The following KIAA1217 variants were observed in gnomAD, a reference collection of about 807,000 sequenced individuals.
The protein encoded by KIAA1217 is KIAA1217.
KIAA1217 carries 88 observed loss-of-function variants against 163.9 expected under a neutral mutation model. The observed-to-expected ratio is 0.54, with a 90% confidence interval of 0.45 to 0.64. KIAA1217 has a LOEUF of 0.64. KIAA1217 is among the 30% of genes least tolerant of loss of function. KIAA1217 has a pLI of 0.00. For synonymous variants in KIAA1217, 903 were observed against 923.1 expected (o/e 0.98, Z 0.39); for missense variants, 2,372 against 2,475.0 (o/e 0.96, Z 0.88).
chr10:23,853,403 G>A (rs1243177116), intron 1 of KIAA1217, among the ~76,000 whole-genome samples: 3 of 152,120 alleles, frequency 2.0e-5, no homozygotes, highest in Non-Finnish European at 4.4e-5. Flanking sequence ...ATGTGCTGCT[G>A]GATTCGGTTT....
At chr10:24,114,490 A>G (rs1313422615) in intron 2 of KIAA1217, among the ~76,000 whole-genome samples, 2 of 152,166 alleles carry the variant, frequency 1.3e-5, no homozygotes, top group Admixed American at 1.3e-4. Context: ...TGCTTTCTAT[A>G]CACAGCACTC....
At chr10:23,961,527 G>A (rs1259602619) in intron 1 of KIAA1217, among the ~76,000 whole-genome samples, 1 of 152,182 alleles carries the variant, frequency 6.6e-6, no homozygotes, top group East Asian at 1.9e-4. Context: ...CTCTGTGTGT[G>A]TGCCATAGGT....
intron 4 of KIAA1217, 56 bp from the exon 5 acceptor site, chr10:24,438,330 A>C: frequency 8.1e-7 from 1 of 1,234,088 alleles, no homozygotes; most frequent in Non-Finnish European, 1.2e-6. Flanking sequence ...GGCTAAGGAA[A>C]TGGCCAAAGT....
chr10:24,494,420 A>G (rs1468196546), intron 6 of KIAA1217, 80 bp from the exon 7 acceptor site: 2 of 1,167,722 alleles, frequency 1.7e-6, no homozygotes, highest in East Asian at 4.7e-5. Flanking sequence ...ACCTTTTATA[A>G]CCCTCAGGTG....
chr10:24,218,876 C>T (rs1374131538), intron 1 of KIAA1217, among the ~76,000 whole-genome samples: 1 of 152,008 alleles, frequency 6.6e-6, no homozygotes, highest in African/African-American at 2.4e-5. Context: ...TCACATGTGT[C>T]AATGATTACT....
At chr10:23,841,489 T>C (rs1180010974) in intron 1 of KIAA1217, among the ~76,000 whole-genome samples, 1 of 152,162 alleles carries the variant, frequency 6.6e-6, no homozygotes, top group East Asian at 1.9e-4. Flanking sequence ...GCAAAAGACA[T>C]TATATATGGG....
intron 2 of KIAA1217, among the ~76,000 whole-genome samples, chr10:24,011,558 G>A (rs1338166856): frequency 1.3e-5 from 2 of 152,114 alleles, no homozygotes; most frequent in Non-Finnish European, 2.9e-5. Flanking sequence ...TAAAGCAACA[G>A]CTTACTGGCA....
intron 1 of KIAA1217, among the ~76,000 whole-genome samples, chr10:23,867,837 G>A (rs989620294): frequency 5.9e-5 from 9 of 152,238 alleles, no homozygotes; most frequent in African/African-American, 2.2e-4. Flanking sequence ...CTTTTGCTGT[G>A]CAGAAGCTCT....
intron 2 of KIAA1217, among the ~76,000 whole-genome samples, chr10:24,223,804 C>T (rs1332762906): frequency 2.7e-5 from 4 of 150,674 alleles, no homozygotes; most frequent in African/African-American, 9.8e-5. Context: ...GCCTCAACCT[C>T]CGCGGCTCAA....
intron 3 of KIAA1217, among the ~76,000 whole-genome samples, chr10:24,389,609 C>T (rs1208545838): frequency 1.3e-5 from 2 of 151,894 alleles, no homozygotes; most frequent in African/African-American, 4.8e-5. Context: ...AATGTCAGAG[C>T]ATTCTCTCTA....
intron 2 of KIAA1217, among the ~76,000 whole-genome samples, chr10:24,080,462 T>C (rs1290942320): frequency 6.6e-6 from 1 of 152,224 alleles, no homozygotes; most frequent in African/African-American, 2.4e-5. Context: ...CAGCCAATCT[T>C]TCCTCAAGCA....
chr10:24,080,544 A>T (rs925559960), intron 2 of KIAA1217, among the ~76,000 whole-genome samples: 1 of 152,194 alleles, frequency 6.6e-6, no homozygotes, highest in Non-Finnish European at 1.5e-5. Context: ...GTGATTTATT[A>T]TTACAATAAA....
chr10:24,403,378 A>G (rs1051331939), intron 3 of KIAA1217, among the ~76,000 whole-genome samples: 2 of 152,148 alleles, frequency 1.3e-5, no homozygotes, highest in African/African-American at 2.4e-5. Context: ...AGCTGGGATT[A>G]CAGACATGTG....
At chr10:24,099,903 G>A (rs1288333433) in intron 2 of KIAA1217, among the ~76,000 whole-genome samples, 2 of 152,010 alleles carry the variant, frequency 1.3e-5, no homozygotes, top group East Asian at 1.9e-4. Context: ...CCACTGCAGA[G>A]ATGATTCCCA....
chr10:23,882,956 G>A (rs574654939), intron 1 of KIAA1217, among the ~76,000 whole-genome samples: 1 of 152,012 alleles, frequency 6.6e-6, no homozygotes, highest in South Asian at 2.1e-4. Flanking sequence ...TCTGGTGGGA[G>A]AGTTTACATC....
chr10:23,828,957 G>C (rs1838037602), intron 1 of KIAA1217, among the ~76,000 whole-genome samples: 1 of 152,124 alleles, frequency 6.6e-6, no homozygotes, highest in African/African-American at 2.4e-5. Flanking sequence ...CAAATTGAAA[G>C]TATATAAAAT....
intron 11 of KIAA1217, among the ~76,000 whole-genome samples, chr10:24,520,627 C>CAA (rs71472812): frequency 8.0e-4 from 36 of 44,942 alleles, no homozygotes; most frequent in African/African-American, 4.3e-3. Flanking sequence ...ACATCTCTAC[C>CAA]AAAAAAAAAA....
intron 1 of KIAA1217, among the ~76,000 whole-genome samples, chr10:23,975,231 T>C (rs780911332): frequency 5.3e-5 from 8 of 152,126 alleles, no homozygotes; most frequent in Admixed American, 1.3e-4. Context: ...CCTCAAACTT[T>C]GTTTGCTAGC....
At chr10:24,241,390 A>G (rs2073076817) in intron 2 of KIAA1217, among the ~76,000 whole-genome samples, 1 of 152,206 alleles carries the variant, frequency 6.6e-6, no homozygotes, top group Non-Finnish European at 1.5e-5. Flanking sequence ...TATATTAATT[A>G]TGCTTTTGCC....
Sources: allele counts gnomAD v4.1 joint callset (sites outside exome capture counted in the v4.1 genomes callset), GRCh38; gene constraint gnomAD v4.1.1; transcripts MANE v1.5; gene names NCBI Gene and HGNC (gene_info 2026-07-23, HGNC 2026-07-21).